The following MALRD1 variants were observed in gnomAD, a reference collection of about 807,000 sequenced individuals.
MALRD1 encodes MAM and LDL receptor class A domain containing 1, also known as MAM and LDL-receptor class A domain-containing protein 1.
MALRD1 carries 247 observed loss-of-function variants against 242.1 expected under a neutral mutation model. The observed-to-expected ratio is 1.02, with a 90% CI of 0.92 to 1.13. MALRD1 has a LOEUF of 1.13. Among genes scored for constraint, MALRD1 ranks in the 50% most tolerant of loss-of-function variants. MALRD1 has a pLI of 0.00. For synonymous variants in MALRD1, 995 were observed against 866.6 expected (o/e 1.15, Z -2.60); for missense variants, 2,989 against 2,533.1 (o/e 1.18, Z -3.86).
Position 19,118,067 on chromosome 10 carries a change from A to G in MALRD1, c.695-5425A>G, listed in dbSNP as rs150452972. ...AGTGGTGATATTTGCTATGGAGAACAGTAAAGCAAAAAACTGTGATAAGAA... is the reference window on the plus strand; with the variant it reads ...AGTGGTGATATTTGCTATGGAGAACGGTAAAGCAAAAAACTGTGATAAGAA... On this transcript the variant is annotated intron_variant, in intron 5 of 39. Coordinates refer to ENST00000454679, the MANE Select transcript of MALRD1 (RefSeq NM_001142308.3). 3.4e-3 allele frequency among the ~76,000 whole-genome samples: 513 copies of G among 152,360 alleles called. 2 individuals are homozygous for G. The highest frequency in any genetic ancestry group is 5.7e-3 in the Non-Finnish European group (387 of 68,038).
intron 24 of MALRD1, among the ~76,000 whole-genome samples, chr10:19,339,247 T>C (rs1263763846): frequency 6.6e-6 from 1 of 152,142 alleles, no homozygotes; most frequent in African/African-American, 2.4e-5. Flanking sequence ...AATTAAAGTT[T>C]CTATTTCTGA....
chr10:19,648,053 C>T (rs1348273857), intron 36 of MALRD1, among the ~76,000 whole-genome samples: 1 of 152,084 alleles, frequency 6.6e-6, no homozygotes, highest in Non-Finnish European at 1.5e-5. Context: ...AAGCAGGACT[C>T]AGGGAGGAGG....
intron 36 of MALRD1, among the ~76,000 whole-genome samples, chr10:19,638,187 A>G (rs1160723515): frequency 6.6e-6 from 1 of 151,548 alleles, no homozygotes; most frequent in Non-Finnish European, 1.5e-5. Context: ...AAGGACAGCC[A>G]AGGTTTTATA....
intron 28 of MALRD1, among the ~76,000 whole-genome samples, chr10:19,438,802 C>CTTTGT (rs1564340128): frequency 3.6e-5 from 5 of 140,058 alleles, no homozygotes; most frequent in Non-Finnish European, 6.2e-5. Context: ...CACCAGACCC[C>CTTTGT]ACAGCTCAGA....
chr10:19,243,169 A>G (rs1838870185), intron 18 of MALRD1, among the ~76,000 whole-genome samples: 2 of 151,514 alleles, frequency 1.3e-5, no homozygotes, highest in Non-Finnish European at 2.9e-5. Context: ...ACTGATAACA[A>G]CTTAACTTCT....
At chr10:19,579,425 T>C (rs1475912561) in intron 33 of MALRD1, among the ~76,000 whole-genome samples, 2 of 152,136 alleles carry the variant, frequency 1.3e-5, no homozygotes, top group African/African-American at 4.8e-5. Context: ...ATTGTATATA[T>C]TTACGGTATG....
intron 1 of MALRD1, among the ~76,000 whole-genome samples, chr10:19,061,219 C>G (rs907137251): frequency 6.6e-6 from 1 of 151,916 alleles, no homozygotes; most frequent in Non-Finnish European, 1.5e-5. Flanking sequence ...CAAACCAGCA[C>G]GAGACTAAAG....
At chr10:19,059,473 T>C (rs561975595) in intron 1 of MALRD1, among the ~76,000 whole-genome samples, 1 of 152,190 alleles carries the variant, frequency 6.6e-6, no homozygotes, top group Admixed American at 6.5e-5. Flanking sequence ...CTGCAACCTC[T>C]GCCTCCCGGT....
At chr10:19,212,932 T>A (rs999909465) in intron 18 of MALRD1, among the ~76,000 whole-genome samples, 14 of 11,316 alleles carry the variant, frequency 1.2e-3, no homozygotes, top group Non-Finnish European at 1.8e-3. Flanking sequence ...AATGGGGTTG[T>A]TTGTTTTTCA....
At chr10:19,211,013 T>A (rs1691305433) in intron 18 of MALRD1, among the ~76,000 whole-genome samples, 1 of 152,152 alleles carries the variant, frequency 6.6e-6, no homozygotes, top group Non-Finnish European at 1.5e-5. Context: ...GGAAAGGAAG[T>A]CCTTTGACTT....
chr10:19,203,196 A>C (rs1280073620), intron 14 of MALRD1, among the ~76,000 whole-genome samples: 1 of 54,882 alleles, frequency 1.8e-5, no homozygotes, highest in Non-Finnish European at 3.0e-5. Flanking sequence ...AAATAGTTCA[A>C]ATTATTTTCT....
chr10:19,051,766 CAA>C (rs1329837910), intron 1 of MALRD1: 1 of 156,132 alleles, frequency 6.4e-6, no homozygotes, highest in Non-Finnish European at 1.4e-5. Flanking sequence ...ATTAAAAATA[CAA>C]AAAATTATCA....
intron 36 of MALRD1, among the ~76,000 whole-genome samples, chr10:19,648,734 T>C (rs1442198359): frequency 6.6e-6 from 1 of 152,176 alleles, no homozygotes; most frequent in Non-Finnish European, 1.5e-5. Context: ...TTTGTATATA[T>C]GCTAAAACAA....
chr10:19,585,239 T>C (rs1169467354), intron 33 of MALRD1, among the ~76,000 whole-genome samples: 1 of 152,114 alleles, frequency 6.6e-6, no homozygotes, highest in Non-Finnish European at 1.5e-5. Flanking sequence ...AAAGTTAATA[T>C]TGTTATGTGT....
chr10:19,709,535 T>C (rs1834014168), intron 38 of MALRD1, among the ~76,000 whole-genome samples: 1 of 152,190 alleles, frequency 6.6e-6, no homozygotes, highest in Non-Finnish European at 1.5e-5. Context: ...CACAACATAA[T>C]GGGAAATAAT....
chr10:19,650,133 T>C (rs911156193), intron 36 of MALRD1, among the ~76,000 whole-genome samples: 2 of 152,136 alleles, frequency 1.3e-5, no homozygotes, highest in Non-Finnish European at 2.9e-5. Context: ...AAGTCAATAA[T>C]TGGACTGAAA....
chr10:19,659,718 A>AT (rs1170660156), intron 36 of MALRD1, among the ~76,000 whole-genome samples: 18 of 152,020 alleles, frequency 1.2e-4, no homozygotes, highest in Admixed American at 6.6e-5. Context: ...TAATTTTCTC[A>AT]TTTTTTTATA....
At chr10:19,135,423 G>A (rs184944426) in intron 9 of MALRD1, among the ~76,000 whole-genome samples, 19 of 152,246 alleles carry the variant, frequency 1.2e-4, no homozygotes, top group Admixed American at 4.6e-4. Context: ...CAAAGTGCTG[G>A]GATTACAGGT....
chr10:19,454,619 G>A (rs187069069), intron 29 of MALRD1, among the ~76,000 whole-genome samples: 32 of 151,004 alleles, frequency 2.1e-4, no homozygotes, highest in Middle Eastern at 3.4e-3. Flanking sequence ...AGAAGCTCCT[G>A]GATTTGTGAT....
Sources: allele counts gnomAD v4.1 joint callset (sites outside exome capture counted in the v4.1 genomes callset), GRCh38; gene constraint gnomAD v4.1.1; transcripts MANE v1.5; gene names NCBI Gene and HGNC (gene_info 2026-07-23, HGNC 2026-07-21).